SHTN1: variants seen among roughly 807,000 people sequenced by gnomAD.
SHTN1 encodes shootin 1, also known as shootin-1.
SHTN1 carries 42 observed loss-of-function variants against 83.1 expected under a neutral mutation model. The ratio of observed to expected loss-of-function variants is 0.51; its 90% CI spans 0.39 to 0.65. The LOEUF (loss-of-function observed/expected upper bound fraction) is 0.65. Ranked by LOEUF, SHTN1 falls within the 30% of genes least tolerant of loss-of-function variation. The pLI is 0.00. For missense variants in SHTN1, 622 were observed against 737.8 expected (o/e 0.84, Z 1.82); for synonymous variants, 224 against 247.7 (o/e 0.90, Z 0.90).
chr10:116,933,650 T>C lies in SHTN1; in HGVS notation c.859-3648A>G, dbSNP rs150446206. 1.8e-4 allele frequency among the ~76,000 whole-genome samples: 27 copies of C among 152,282 alleles called. No individual in the cohort carries two copies. In the East Asian group the frequency reaches 2.9e-3, roughly 16 times the overall value. ...CATATGTGTGTGTGTGTCTTTATAG[T>C]AGAACAATTTATAATCCTTTGGGTA... On this transcript the variant is annotated intron_variant, in intron 9 of 16. Transcript: ENST00000355371.
At chr10:117,007,121 T>C (rs545208283), upstream of SHTN1, among the ~76,000 whole-genome samples, 191 of 152,166 alleles carry the variant, frequency 1.3e-3, no homozygotes, top group African/African-American at 4.4e-3. Context: ...TTCAAGATAG[T>C]TGCAGATAGC....
chr10:116,894,442 T>C (rs1847443058), intron 16 of SHTN1, among the ~76,000 whole-genome samples: 2 of 152,108 alleles, frequency 1.3e-5, no homozygotes, highest in Admixed American at 1.3e-4. Context: ...AAAAAGGAAA[T>C]TGAAAAGAGC....
chr10:116,924,393 C>T (rs1433649835), intron 11 of SHTN1, among the ~76,000 whole-genome samples: 2 of 89,818 alleles, frequency 2.2e-5, no homozygotes, highest in Non-Finnish European at 6.5e-5. Flanking sequence ...ATCTGTACTG[C>T]TCAGAGTACT....
At chr10:116,927,676 A>T (rs1848795388) in intron 11 of SHTN1, 116 bp downstream of exon 11, 1 of 1,369,004 alleles carries the variant, frequency 7.3e-7, no homozygotes, top group Non-Finnish European at 9.6e-7. Flanking sequence ...CCTTTAGAAA[A>T]ATTTCCAAGA....
chr10:116,918,389 T>C (rs1445561168), intron 12 of SHTN1, among the ~76,000 whole-genome samples: 1 of 152,176 alleles, frequency 6.6e-6, no homozygotes, highest in Admixed American at 6.5e-5. Context: ...CCTTCTGCTA[T>C]TACCTTGAAG....
At chr10:116,921,764 C>T (rs1848575562) in intron 11 of SHTN1, among the ~76,000 whole-genome samples, 1 of 151,990 alleles carries the variant, frequency 6.6e-6, no homozygotes, top group Admixed American at 6.6e-5. Context: ...TGCATACACA[C>T]TTACAAAGGA....
At chr10:116,907,450 T>C (rs1305292580) in intron 14 of SHTN1, among the ~76,000 whole-genome samples, 1 of 152,130 alleles carries the variant, frequency 6.6e-6, no homozygotes, top group African/African-American at 2.4e-5. Context: ...TATAAATCTG[T>C]ACTCCTGCTG....
chr10:117,053,905 T>C (rs1852786134), intron 1 of SHTN1, among the ~76,000 whole-genome samples: 1 of 152,234 alleles, frequency 6.6e-6, no homozygotes, highest in Non-Finnish European at 1.5e-5. Context: ...TAGAATATTA[T>C]TCATCCATAA....
intron 1 of SHTN1, among the ~76,000 whole-genome samples, chr10:117,118,652 G>A (rs537225115): frequency 6.8e-4 from 103 of 152,248 alleles, no homozygotes; most frequent in Non-Finnish European, 1.3e-3. Flanking sequence ...ATCAACCTAA[G>A]TACTTATCAA....
chr10:117,107,211 T>C (rs768631290), intron 1 of SHTN1, among the ~76,000 whole-genome samples: 3 of 152,202 alleles, frequency 2.0e-5, no homozygotes, highest in Admixed American at 6.5e-5. Context: ...TCCTAAAATG[T>C]AGAATATCAC....
chr10:116,977,048 A>C (rs1486115638), intron 2 of SHTN1, among the ~76,000 whole-genome samples: 1 of 152,162 alleles, frequency 6.6e-6, no homozygotes, highest in East Asian at 1.9e-4. Context: ...TTTTACCTAT[A>C]ATTCCACTTG....
At chr10:117,084,052 G>A (rs565840540) in intron 1 of SHTN1, among the ~76,000 whole-genome samples, 15 of 152,216 alleles carry the variant, frequency 9.9e-5, no homozygotes, top group African/African-American at 3.1e-4. Flanking sequence ...GCTCGTCAAA[G>A]TCATTCTCCA....
At chr10:117,104,191 G>A (rs529975736) in intron 1 of SHTN1, among the ~76,000 whole-genome samples, 1 of 152,008 alleles carries the variant, frequency 6.6e-6, no homozygotes, top group East Asian at 1.9e-4. Context: ...TGTCTAGCAC[G>A]TTGTGTTAGA....
chr10:117,102,936 G>A (rs746189038), intron 1 of SHTN1, among the ~76,000 whole-genome samples: 34 of 152,164 alleles, frequency 2.2e-4, no homozygotes, highest in Non-Finnish European at 4.3e-4. Flanking sequence ...AAAGACACGA[G>A]TGCTCCACAA....
intron 1 of SHTN1, among the ~76,000 whole-genome samples, chr10:117,114,825 G>A (rs1006611733): frequency 2.0e-5 from 3 of 152,182 alleles, no homozygotes; most frequent in African/African-American, 7.2e-5. Flanking sequence ...TTTTAAAGGA[G>A]ATCTGGTTCT....
chr10:116,990,546 CTTG>C (rs1001132916), intron 1 of SHTN1, among the ~76,000 whole-genome samples: 3 of 152,136 alleles, frequency 2.0e-5, no homozygotes, highest in African/African-American at 7.2e-5. Context: ...CATTCACTGC[CTTG>C]TTAACAATGA....
chr10:117,052,022 A>ATATATATATATATATATATATATG (rs1237393233), intron 1 of SHTN1, among the ~76,000 whole-genome samples: 1 of 138,746 alleles, frequency 7.2e-6, no homozygotes, highest in African/African-American at 2.6e-5. Context: ...ATATATATAT[A>ATATATATATATATATATATATATG]GAAAAGCCTA....
At chr10:116,937,340 C>CT (rs1247959481) in intron 9 of SHTN1, among the ~76,000 whole-genome samples, 3 of 152,252 alleles carry the variant, frequency 2.0e-5, no homozygotes, top group East Asian at 3.9e-4. Flanking sequence ...TTCAGGAACT[C>CT]TTAAAAGGCA....
intron 2 of SHTN1, among the ~76,000 whole-genome samples, chr10:116,977,707 C>T: frequency 6.6e-6 from 1 of 150,848 alleles, no homozygotes; most frequent in Non-Finnish European, 1.5e-5. Flanking sequence ...CAAGATCTCA[C>T]TCTGTTGCCC....
Sources: gnomAD v4.1 joint callset for allele counts (sites outside exome capture counted in the v4.1 genomes callset) on GRCh38, gnomAD v4.1.1 for gene constraint, MANE v1.5 for transcripts, NCBI Gene and HGNC (gene_info 2026-07-23, HGNC 2026-07-21) for gene names.